Variants in BCAS3 observed in about 807,000 individuals in gnomAD.
The protein encoded by BCAS3 is BCAS3 microtubule associated cell migration factor, also known as BCAS4/BCAS3 fusion.
In BCAS3, 53 loss-of-function variants were observed where a neutral mutation model predicts 116.1. The ratio of observed to expected loss-of-function variants is 0.46; its 90% CI spans 0.37 to 0.57. The LOEUF is 0.57. Ranked by LOEUF, BCAS3 falls within the 20% of genes least tolerant of loss-of-function variation. The probability of loss-of-function intolerance (pLI) is 0.00; values close to 1 mark genes in which losing one functional copy is unlikely to be tolerated. For missense variants in BCAS3, 917 were observed against 1,165.4 expected (o/e 0.79, Z 3.10); for synonymous variants, 391 against 408.2 (o/e 0.96, Z 0.51).
At chr17:60,705,508 GT>G (rs1449092676) in intron 4 of BCAS3, among the ~76,000 whole-genome samples, 2 of 128,712 alleles carry the variant, frequency 1.6e-5, no homozygotes, top group East Asian at 4.6e-4. Flanking sequence ...AGTGAGACTT[GT>G]CTCAAAAAAA....
At chr17:61,294,190 C>T (rs535800481) in intron 22 of BCAS3, among the ~76,000 whole-genome samples, 1 of 152,280 alleles carries the variant, frequency 6.6e-6, no homozygotes, top group African/African-American at 2.4e-5. Flanking sequence ...ATCCCAACTA[C>T]TGTAGTTAAA....
In BCAS3 at chr17:61,009,311, CA is replaced by C. The variant is rs768251062; in HGVS notation, c.1487-6438del. Among the ~76,000 whole-genome samples the C allele has an allele frequency of 1.6e-4, 25 of 152,194 alleles. 1 individual carries two copies. The highest frequency in any genetic ancestry group is 8.3e-4 in the South Asian group (4 of 4,826). On this transcript the variant is annotated intron_variant, in intron 15 of 23. Coordinates refer to ENST00000407086, the MANE Select transcript of BCAS3 (RefSeq NM_017679.5). ...TATACTTACCTCATATGTCTAATGA[CA>C]ACAGAAGGACAGTGCTCTTTTTATC... is the stretch of plus-strand genomic sequence containing the variant.
intron 6 of BCAS3, among the ~76,000 whole-genome samples, chr17:60,796,181 T>C (rs952329665): frequency 1.8e-4 from 28 of 152,226 alleles, no homozygotes; most frequent in African/African-American, 6.5e-4. Context: ...GGCATGGGTC[T>C]GTAATTTTCT....
chr17:61,068,476 C>T lies in BCAS3; in HGVS notation c.2030-6444C>T, dbSNP rs1440097397. On this transcript the variant is annotated intron_variant, in intron 19 of 23. Transcript: ENST00000407086. This position sits in a 1 kb window ranked among gnomAD's most constrained non-coding sequence, Gnocchi z 4.3. ...GCATCCATTCTTGTTTCTCATCCAG[C>T]TCCTGTCAGTTGTCTGGACTATGTC... 2.0e-5 allele frequency among the ~76,000 whole-genome samples: 3 copies of T among 152,180 alleles called. No individual in the cohort carries two copies. Among genetic ancestry groups the T allele is most frequent in the South Asian group, 2.1e-4 (1 of 4,832 alleles).
At chr17:60,732,898 A>G (rs1239927487) in intron 5 of BCAS3, among the ~76,000 whole-genome samples, 1 of 152,198 alleles carries the variant, frequency 6.6e-6, no homozygotes, top group Non-Finnish European at 1.5e-5. Flanking sequence ...TATATTCTTC[A>G]ATATGGTATT....
At chr17:60,812,453 G>C (rs2048922517) in intron 7 of BCAS3, among the ~76,000 whole-genome samples, 1 of 152,102 alleles carries the variant, frequency 6.6e-6, no homozygotes, top group Non-Finnish European at 1.5e-5. Flanking sequence ...GCAGAAGGAA[G>C]GGCACTTGTG....
At chr17:61,133,053 A>G (rs1230622258) in intron 22 of BCAS3, among the ~76,000 whole-genome samples, 1 of 152,218 alleles carries the variant, frequency 6.6e-6, no homozygotes, top group African/African-American at 2.4e-5. Flanking sequence ...AAGCTGATAA[A>G]AAAGGTATAA....
chr17:60,764,750 T>G (rs1256506515), intron 6 of BCAS3, among the ~76,000 whole-genome samples: 1 of 152,204 alleles, frequency 6.6e-6, no homozygotes, highest in Non-Finnish European at 1.5e-5. Context: ...CTGCATATCC[T>G]TATTAACCTT....
chr17:61,357,012 G>C (rs2058171586), intron 22 of BCAS3: 1 of 152,002 alleles, frequency 6.6e-6, no homozygotes, highest in Non-Finnish European at 1.5e-5. Context: ...TGCTTCTTAT[G>C]GGCCCACCTG....
rs941531370 is a variant in BCAS3 at position 61,235,745 on chromosome 17, A to G, written c.2426-132582A>G. The stretch of plus-strand genomic sequence containing the variant: ...AGAAGGAGAAAGAAAGACAAGGGAA[A>G]AAAATGGTTAGGGAGGCTGCAAAAG... On this transcript the variant is annotated intron_variant, in intron 22 of 23. Transcript: ENST00000407086. The surrounding 1 kb of genome is among the most constrained non-coding windows in gnomAD (Gnocchi z 5.0). Among the ~76,000 whole-genome samples, 1 of 152,284 alleles carries G rather than the reference A, an allele frequency of 6.6e-6. No homozygotes were observed. The highest frequency in any genetic ancestry group is 1.9e-4 in the East Asian group (1 of 5,186).
At chr17:60,733,667 C>A (rs1236376930) in intron 5 of BCAS3, among the ~76,000 whole-genome samples, 1 of 151,902 alleles carries the variant, frequency 6.6e-6, no homozygotes, top group Non-Finnish European at 1.5e-5. Context: ...CTTTGTGAGA[C>A]CCCAGTCTCT....
chr17:61,084,675 TTTGTG>T lies in BCAS3; in HGVS notation c.2425+112_2425+116del. ...TTTGCTTTCCTCTCTGTTTTTTTGT[TTTGTG>T]GTGTGTGTGCATTTTAATACAGTAC... On this transcript the variant is annotated intron_variant, in intron 22 of 23. Transcript: ENST00000407086. The surrounding 1 kb of genome is among the most constrained non-coding windows in gnomAD (Gnocchi z 5.5). The T allele has an allele frequency of 1.1e-6, 1 of 929,388 alleles. No homozygotes were observed. Among genetic ancestry groups the T allele is most frequent in the Non-Finnish European group, 1.7e-6 (1 of 593,490 alleles). The allele number at this position is 929,388 out of a possible 1,614,324, so 57.6% of individuals were successfully genotyped here.
intron 9 of BCAS3, among the ~76,000 whole-genome samples, chr17:60,888,140 C>A (rs1194341935): frequency 6.6e-6 from 1 of 152,096 alleles, no homozygotes; most frequent in Non-Finnish European, 1.5e-5. Flanking sequence ...ATAAAGCATT[C>A]TTTTGGCAAG....
At position 61,378,388 on chromosome 17, in the gene BCAS3, GTC is replaced by G. The variant is rs1475961683; in HGVS notation, c.2593+9898_2593+9899del. ...AAGCCAAATGTGTGCAACTCTCTCT[GTC>G]TCTGAATTTCTGCACCACCGACTTG... On this transcript the variant is annotated intron_variant, in intron 23 of 23. Coordinates refer to ENST00000407086, the MANE Select transcript of BCAS3 (RefSeq NM_017679.5). This position sits in a 1 kb window ranked among gnomAD's most constrained non-coding sequence, Gnocchi z 5.8. 2.6e-5 allele frequency: 4 copies of G among 152,234 alleles called. No individual in the cohort carries two copies. The highest frequency in any genetic ancestry group is 4.8e-5 in the African/African-American group (2 of 41,422). The allele number at this position is 152,234 out of a possible 1,614,324, so 9.4% of individuals were successfully genotyped here.
chr17:61,245,204 A>G (rs2047843911), intron 22 of BCAS3: 1 of 152,138 alleles, frequency 6.6e-6, no homozygotes, highest in South Asian at 2.1e-4. Context: ...GAAGCCCCTT[A>G]GAAAACCATC....
chr17:61,198,591 A>G lies in BCAS3; in HGVS notation c.2425+114027A>G, dbSNP rs1362592451. 6.6e-6 allele frequency among the ~76,000 whole-genome samples: 1 copy of G among 152,234 alleles called. No homozygotes were observed. Among genetic ancestry groups the G allele is most frequent in the Non-Finnish European group, 1.5e-5 (1 of 68,044 alleles). The stretch of plus-strand genomic sequence containing the variant: ...TTTTGCAAGAAGGTGAAAGTAGACA[A>G]ACATGTTTTTGACACATTGTTATTG... On this transcript the variant is annotated intron_variant, in intron 22 of 23. Transcript: ENST00000407086. The surrounding 1 kb of genome is among the most constrained non-coding windows in gnomAD (Gnocchi z 5.0).
At chr17:60,826,706 C>T (rs1568333816) in intron 7 of BCAS3, among the ~76,000 whole-genome samples, 1 of 152,166 alleles carries the variant, frequency 6.6e-6, no homozygotes, top group Non-Finnish European at 1.5e-5. Context: ...TTTCCATGAG[C>T]TACATCTAAT....
At position 61,331,638 on chromosome 17, in the gene BCAS3, T is replaced by G. The variant is rs540721321; in HGVS notation, c.2426-36689T>G. 7.2e-5 allele frequency among the ~76,000 whole-genome samples: 11 copies of G among 152,334 alleles called. No homozygotes were observed. The East Asian group carries it at 2.1e-3, about 29-fold the overall frequency. On this transcript the variant is annotated intron_variant, in intron 22 of 23. Coordinates refer to ENST00000407086, the MANE Select transcript of BCAS3 (RefSeq NM_017679.5). ...TGAGACCCCATCTCTATTTTTAAGT[T>G]TTTATTTTTAATTTCTTTTAAATGG...
At chr17:60,795,988 C>T (rs1476538097) in intron 6 of BCAS3, among the ~76,000 whole-genome samples, 3 of 152,130 alleles carry the variant, frequency 2.0e-5, no homozygotes, top group Non-Finnish European at 4.4e-5. Context: ...CCACTCCCTG[C>T]CGTGATTTTT....
Sources: gnomAD v4.1 joint callset for allele counts (sites outside exome capture counted in the v4.1 genomes callset) on GRCh38, gnomAD v4.1.1 for gene constraint, Gnocchi (gnomAD v3.1) non-coding constraint, MANE v1.5 for transcripts, NCBI Gene and HGNC (gene_info 2026-07-23, HGNC 2026-07-21) for gene names.